Variants in ADARB2 observed in about 807,000 individuals in gnomAD.
ADARB2 encodes adenosine deaminase RNA specific B2 (inactive), also known as inactive double-stranded RNA-specific editase B2.
A neutral mutation model predicts 62.2 loss-of-function variants in ADARB2; 25 were observed. The ratio of observed to expected loss-of-function variants is 0.40; its 90% CI spans 0.29 to 0.56. ADARB2 has a LOEUF of 0.56. Ranked by LOEUF, ADARB2 falls within the 20% of genes least tolerant of loss-of-function variation. The pLI, the probability that ADARB2 is intolerant of heterozygous loss-of-function variation, is 0.43. For missense variants in ADARB2, 1,071 were observed against 1,077.4 expected (o/e 0.99, Z 0.08); for synonymous variants, 572 against 500.8 (o/e 1.14, Z -1.90).
intron 4 of ADARB2, among the ~76,000 whole-genome samples, chr10:1,257,524 C>A (rs1285143289): frequency 6.6e-6 from 1 of 152,180 alleles, no homozygotes; most frequent in Non-Finnish European, 1.5e-5. Context: ...CCATGCACAC[C>A]TCTTCCTGTC....
chr10:1,440,885 C>T (rs1830897414), intron 1 of ADARB2, among the ~76,000 whole-genome samples: 1 of 152,210 alleles, frequency 6.6e-6, no homozygotes, highest in Non-Finnish European at 1.5e-5. Flanking sequence ...AGCCAAGGTG[C>T]TCACAGACAT....
chr10:1,473,079 G>A (rs531053504), intron 1 of ADARB2, among the ~76,000 whole-genome samples: 1 of 152,274 alleles, frequency 6.6e-6, no homozygotes. Flanking sequence ...AAGGAACGTG[G>A]GGCCCTGGAA....
intron 1 of ADARB2, among the ~76,000 whole-genome samples, chr10:1,714,296 G>A (rs1049028700): frequency 2.6e-5 from 4 of 152,218 alleles, no homozygotes; most frequent in African/African-American, 9.6e-5. Context: ...TCGCTATCTA[G>A]AACCGGCATG....
chr10:1,183,040 G>T lies in ADARB2; in HGVS notation c.*153C>A. ...GGAAAGAGGCACGTTCTGAATTTGT[G>T]TTGTTGCTCGTCCAAACATTGCACA... On this transcript the variant is annotated 3_prime_UTR_variant, in exon 10 of 10. Transcript: ENST00000381312. 1.2e-6 allele frequency: 1 copy of T among 863,760 alleles called. No individual in the cohort carries two copies. Among genetic ancestry groups the T allele is most frequent in the Non-Finnish European group, 1.7e-6 (1 of 573,272 alleles). 53.5% of individuals were successfully genotyped at this position (863,760 alleles called of 1,614,324 possible). A position where few individuals can be genotyped will look rare whatever the true frequency, so the allele number is the denominator to read the frequency against.
chr10:1,556,021 G>A (rs1379656021), intron 1 of ADARB2, among the ~76,000 whole-genome samples: 1 of 152,170 alleles, frequency 6.6e-6, no homozygotes, highest in Non-Finnish European at 1.5e-5. Context: ...ATAAGAAATT[G>A]TGTTTTTCTT....
At chr10:1,666,134 C>T (rs1015042240) in intron 1 of ADARB2, among the ~76,000 whole-genome samples, 10 of 152,250 alleles carry the variant, frequency 6.6e-5, no homozygotes, top group South Asian at 2.1e-4. Flanking sequence ...GAGATGGCAC[C>T]GCTATAAAAT....
chr10:1,560,275 G>C (rs1388993850), intron 1 of ADARB2, among the ~76,000 whole-genome samples: 1 of 152,188 alleles, frequency 6.6e-6, no homozygotes, highest in Non-Finnish European at 1.5e-5. Flanking sequence ...AAGAGGTCAG[G>C]AGTGATTAAT....
intron 3 of ADARB2, among the ~76,000 whole-genome samples, chr10:1,343,428 T>G (rs2805528): frequency 1.3e-5 from 2 of 152,066 alleles, no homozygotes; most frequent in Non-Finnish European, 2.9e-5. Flanking sequence ...CTAGTGGGAA[T>G]GTAGATTAGC....
chr10:1,463,460 G>A lies in ADARB2; in HGVS notation c.101-84300C>T, dbSNP rs904328933. Among the ~76,000 whole-genome samples the A allele has an allele frequency of 6.6e-5, 10 of 152,206 alleles. No homozygotes were observed. The East Asian group carries it at 7.7e-4, about 12-fold the overall frequency. ...TAGAAGAGGCAGCAGGTTTGATGCCGTCAGCTTTTCCGCTAAAGTGGTTAA... is the reference window on the plus strand; with the variant it reads ...TAGAAGAGGCAGCAGGTTTGATGCCATCAGCTTTTCCGCTAAAGTGGTTAA... On this transcript the variant is annotated intron_variant, in intron 1 of 9. Coordinates refer to ENST00000381312, the MANE Select transcript of ADARB2 (RefSeq NM_018702.4).
At chr10:1,263,960 C>T (rs192616603) in intron 4 of ADARB2, among the ~76,000 whole-genome samples, 1 of 152,224 alleles carries the variant, frequency 6.6e-6, no homozygotes, top group African/African-American at 2.4e-5. Flanking sequence ...GGGTCAGCAC[C>T]GGTTTAGTGA....
intron 7 of ADARB2, chr10:1,200,426 G>T: frequency 2.1e-6 from 1 of 485,836 alleles, no homozygotes; most frequent in South Asian, 4.1e-5. Context: ...TGTTCTCTGT[G>T]GGACTTAGAA....
At chr10:1,219,833 G>A (rs1235150347) in intron 6 of ADARB2, among the ~76,000 whole-genome samples, 1 of 131,398 alleles carries the variant, frequency 7.6e-6, no homozygotes, top group Non-Finnish European at 1.7e-5. Flanking sequence ...TAATGATGGT[G>A]GTGATGATGA....
intron 3 of ADARB2, among the ~76,000 whole-genome samples, chr10:1,299,519 C>T (rs188206605): frequency 1.3e-4 from 20 of 152,174 alleles, no homozygotes; most frequent in East Asian, 7.7e-4. Flanking sequence ...CTAGTTTGGA[C>T]GGTATGCAAA....
chr10:1,287,319 C>T (rs1831422934), intron 3 of ADARB2, among the ~76,000 whole-genome samples: 3 of 152,204 alleles, frequency 2.0e-5, no homozygotes, highest in African/African-American at 7.2e-5. Context: ...TGTCTTGATA[C>T]ATATACACAT....
At chr10:1,207,176 G>A (rs1837079820) in intron 7 of ADARB2, among the ~76,000 whole-genome samples, 1 of 151,986 alleles carries the variant, frequency 6.6e-6, no homozygotes, top group African/African-American at 2.4e-5. Flanking sequence ...GCGAAACCCT[G>A]TCTCTACTAA....
In ADARB2 at chr10:1,199,999, C is replaced by A; in HGVS notation, c.1831G>T (p.Ala611Ser). The A allele has an allele frequency of 3.2e-6, 5 of 1,573,884 alleles. No homozygotes were observed. Among genetic ancestry groups the A allele is most frequent in the Non-Finnish European group, 3.4e-6 (4 of 1,163,300 alleles). ...HRMEGVGQLPASYRHNRPLLS... is the reference protein window; with the variant it reads ...HRMEGVGQLPSSYRHNRPLLS... ...AGAGGCCGGTTGTGCCGGTAGGAGG[C>A]GGGCAGCTGGCCGACACCCTCCATG... The change falls in exon 8 of 10, where the codon GCC becomes TCC. Residue 611 changes from alanine (A) to serine (S), a missense_variant. Coordinates refer to ENST00000381312, the MANE Select transcript of ADARB2 (RefSeq NM_018702.4).
At chr10:1,657,762 G>A (rs528243316) in intron 1 of ADARB2, among the ~76,000 whole-genome samples, 5 of 152,202 alleles carry the variant, frequency 3.3e-5, no homozygotes, top group East Asian at 1.9e-4. Context: ...TGGGAGGCAT[G>A]GATGGGATGA....
intron 6 of ADARB2, among the ~76,000 whole-genome samples, chr10:1,219,154 C>G (rs1331903649): frequency 6.6e-6 from 1 of 152,134 alleles, no homozygotes; most frequent in African/African-American, 2.4e-5. Flanking sequence ...TGAGGCCTCC[C>G]CAGAAGCCAA....
At chr10:1,400,092 G>A (rs1832649064) in intron 1 of ADARB2, among the ~76,000 whole-genome samples, 1 of 152,230 alleles carries the variant, frequency 6.6e-6, no homozygotes, top group Non-Finnish European at 1.5e-5. Flanking sequence ...ATGGAATGGG[G>A]TGTGTGGTGG....
Sources: allele counts gnomAD v4.1 joint callset (sites outside exome capture counted in the v4.1 genomes callset), GRCh38; gene constraint gnomAD v4.1.1; transcripts MANE v1.5; gene names NCBI Gene and HGNC (gene_info 2026-07-23, HGNC 2026-07-21).